Variants in OSER1 observed in about 807,000 individuals in gnomAD.
OSER1 encodes the protein oxidative stress responsive serine rich 1, also known as oxidative stress-responsive serine-rich protein 1.
Under a neutral mutation model 26.3 loss-of-function variants are expected in OSER1, and 15 were observed. The observed-to-expected ratio is 0.57, with a 90% confidence interval of 0.38 to 0.88. The LOEUF is 0.88. Ranked by LOEUF, OSER1 falls within the 40% of genes least tolerant of loss-of-function variation. The pLI, the probability that OSER1 is intolerant of heterozygous loss-of-function variation, is 0.00. For missense variants in OSER1, 313 were observed against 353.9 expected (o/e 0.88, Z 0.93); for synonymous variants, 127 against 128.2 (o/e 0.99, Z 0.07).
In OSER1 at chr20:44,208,340, T is replaced by C. The variant is rs111786136; in HGVS notation, c.-41-1342A>G. On this transcript the variant is annotated intron_variant, in intron 1 of 3. Transcript: ENST00000255174. ...GAGGCAAGGAATCAGGACTTTTCAC[T>C]TTACTTATTTGCGGAAGTTAAGGTA... 7.8e-3 allele frequency among the ~76,000 whole-genome samples: 1,189 copies of C among 152,024 alleles called. 11 individuals are homozygous for C. The highest frequency in any genetic ancestry group is 0.027 in the African/African-American group (1,100 of 41,392).
At position 44,202,783 on chromosome 20, in the gene OSER1, T is replaced by C. The variant is rs564286891; in HGVS notation, c.191+178A>G. 9.2e-5 allele frequency among the ~76,000 whole-genome samples: 14 copies of C among 152,268 alleles called. No homozygotes were observed. The South Asian group carries it at 2.9e-3, about 32-fold the overall frequency. ...ACATAGAATATTTGTAAAAATTGACTATGGACCAGGCCAAAAAAAAGTCTC... is the reference window on the plus strand; with the variant it reads ...ACATAGAATATTTGTAAAAATTGACCATGGACCAGGCCAAAAAAAAGTCTC... On this transcript the variant is annotated intron_variant, in intron 3 of 3. Coordinates refer to ENST00000255174, the MANE Select transcript of OSER1 (RefSeq NM_016470.8).
chr20:44,210,033 C>T (rs979613928), intron 1 of OSER1: 1 of 152,342 alleles, frequency 6.6e-6, no homozygotes, highest in African/African-American at 2.4e-5. Context: ...ACCCACTCAT[C>T]CCTTTATACT....
intron 3 of OSER1, among the ~76,000 whole-genome samples, chr20:44,200,023 G>A (rs1480008095): frequency 1.3e-5 from 2 of 152,192 alleles, no homozygotes; most frequent in African/African-American, 4.8e-5. Flanking sequence ...CTGCTCCAGT[G>A]GGCTAGCACT....
In OSER1 at chr20:44,196,114, A is replaced by C. The variant is rs2072915073; in HGVS notation, c.*938T>G. 6.6e-6 allele frequency among the ~76,000 whole-genome samples: 1 copy of C among 152,072 alleles called. No homozygotes were observed. Among genetic ancestry groups the C allele is most frequent in the African/African-American group, 2.4e-5 (1 of 41,418 alleles). ...AACAAGGATTCATCATCCAGCTGAA[A>C]CCGAAGACAGATTTTTTTTTTACCA... On this transcript the variant is annotated 3_prime_UTR_variant, in exon 4 of 4. Coordinates refer to ENST00000255174, the MANE Select transcript of OSER1 (RefSeq NM_016470.8).
rs567505419 is a variant in OSER1, at chr20:44,198,568, G to A, written c.192-829C>T. Among the ~76,000 whole-genome samples, 1,078 of 152,156 alleles carry A rather than the reference G, an allele frequency of 7.1e-3. 7 individuals carry two copies. Among genetic ancestry groups the A allele is most frequent in the Non-Finnish European group, 0.012 (807 of 68,020 alleles). On this transcript the variant is annotated intron_variant, in intron 3 of 3. Coordinates refer to ENST00000255174, the MANE Select transcript of OSER1 (RefSeq NM_016470.8). ...TGGGAGGCAGAGCTTGCAGTGAGCT[G>A]AGATCACGCCACTGTACTCCAGCCT... is the stretch of plus-strand genomic sequence containing the variant.
chr20:44,198,476 G>A (rs988610238), intron 3 of OSER1, among the ~76,000 whole-genome samples: 7 of 152,002 alleles, frequency 4.6e-5, no homozygotes, highest in South Asian at 2.1e-4. Flanking sequence ...AAAATTAGCC[G>A]GGCGTGGTGG....
chr20:44,210,580 C>CG (rs1270421997), intron 1 of OSER1, 116 bp downstream of exon 1: 1 of 152,314 alleles, frequency 6.6e-6, no homozygotes, highest in Non-Finnish European at 1.5e-5. Context: ...CAGGAGGCGT[C>CG]GGGAGACGAC....
chr20:44,206,007 C>G (rs187366237), intron 2 of OSER1, among the ~76,000 whole-genome samples: 2 of 150,988 alleles, frequency 1.3e-5, no homozygotes, highest in African/African-American at 2.4e-5. Context: ...CAAATCCTGG[C>G]TCTGCAACGT....
chr20:44,209,350 C>G (rs764542349), intron 1 of OSER1, among the ~76,000 whole-genome samples: 8 of 152,140 alleles, frequency 5.3e-5, no homozygotes, highest in Non-Finnish European at 1.0e-4. Flanking sequence ...TAGCCAAGAG[C>G]AAATGAGCGT....
rs1029882226 is a variant in OSER1, at chr20:44,196,949, A to G, written c.*103T>C. ...TTTTTATTGCAAGCACAGTGAGCAG[A>G]AAGAGATGTCTTCTCACACAAAGTG... On this transcript the variant is annotated 3_prime_UTR_variant, in exon 4 of 4. Transcript: ENST00000255174. The G allele has an allele frequency of 1.2e-5, 9 of 772,602 alleles. No homozygotes were observed. Among genetic ancestry groups the G allele is most frequent in the Non-Finnish European group, 1.5e-5 (7 of 461,204 alleles). 47.9% of individuals were successfully genotyped at this position (772,602 alleles called of 1,614,324 possible).
At chr20:44,209,521 TG>T (rs2073075467) in intron 1 of OSER1, among the ~76,000 whole-genome samples, 1 of 152,234 alleles carries the variant, frequency 6.6e-6, no homozygotes. Flanking sequence ...ATTAAATTTG[TG>T]GGAGACAGTC....
At chr20:44,198,480 G>T (rs186608276) in intron 3 of OSER1, among the ~76,000 whole-genome samples, 146 of 152,176 alleles carry the variant, frequency 9.6e-4, no homozygotes, top group African/African-American at 3.4e-3. Flanking sequence ...TTAGCCGGGC[G>T]TGGTGGTGGG....
chr20:44,204,633 C>T (rs562624196), intron 2 of OSER1, among the ~76,000 whole-genome samples: 1 of 152,230 alleles, frequency 6.6e-6, no homozygotes, highest in East Asian at 1.9e-4. Context: ...AGGTTTTCCA[C>T]CCACATTCCG....
At chr20:44,206,359 G>A (rs1012216474) in intron 2 of OSER1, among the ~76,000 whole-genome samples, 1 of 152,216 alleles carries the variant, frequency 6.6e-6, no homozygotes, top group African/African-American at 2.4e-5. Flanking sequence ...CTAACATTCA[G>A]AGAGCAGCTG....
At chr20:44,203,339 C>T (rs575527188) in intron 2 of OSER1, among the ~76,000 whole-genome samples, 1 of 152,258 alleles carries the variant, frequency 6.6e-6, no homozygotes, top group Admixed American at 6.5e-5. Flanking sequence ...CAGGCTGTTT[C>T]CCTGGGGCAG....
At chr20:44,207,072 A>G (rs539087266) in intron 1 of OSER1, 74 bp from the exon 2 acceptor site, 29 of 641,814 alleles carry the variant, frequency 4.5e-5, no homozygotes, top group Admixed American at 2.5e-4. Flanking sequence ...TTACTGTTAG[A>G]AAAAAAAAGC....
In OSER1 at chr20:44,196,818, T is replaced by C. The variant is rs1471066984; in HGVS notation, c.*234A>G. ...TGGTTTCTTCATCCCCCAGGAACAT[T>C]TCTAAATAAGGGGGATTTTTCTTTG... is the stretch of plus-strand genomic sequence containing the variant. On this transcript the variant is annotated 3_prime_UTR_variant, in exon 4 of 4. Transcript: ENST00000255174. The C allele has an allele frequency of 8.9e-6, 4 of 447,256 alleles. No homozygotes were observed. The highest frequency in any genetic ancestry group is 5.9e-5 in the African/African-American group (3 of 51,164). 27.7% of individuals were successfully genotyped at this position (447,256 alleles called of 1,614,324 possible). A position where few individuals can be genotyped will look rare whatever the true frequency, so the allele number is the denominator to read the frequency against.
chr20:44,206,913 A>C lies in OSER1; in HGVS notation c.45T>G (p.Thr15=), dbSNP rs189688626. Residue 15 remains threonine, a synonymous_variant, in exon 2 of 4, where the codon ACT becomes ACG. Transcript: ENST00000255174. ...AKDGEEESLQ[T]AFKKLRVDAS... ...CATCCACTCTTAATTTTTTGAAAGCAGTCTGTAGACTCTCCTCCTCTCCAT... is the reference window on the plus strand; with the variant it reads ...CATCCACTCTTAATTTTTTGAAAGCCGTCTGTAGACTCTCCTCCTCTCCAT... The C allele has an allele frequency of 2.5e-6, 4 of 1,574,046 alleles. No homozygotes were observed. In the East Asian group the frequency reaches 9.0e-5, roughly 35 times the overall value.
chr20:44,197,034 T>C lies in OSER1; in HGVS notation c.*18A>G. 1.3e-6 allele frequency: 2 copies of C among 1,563,342 alleles called. No homozygotes were observed. Among genetic ancestry groups the C allele is most frequent in the East Asian group, 4.5e-5 (2 of 44,278 alleles). On this transcript the variant is annotated 3_prime_UTR_variant, in exon 4 of 4. Coordinates refer to ENST00000255174, the MANE Select transcript of OSER1 (RefSeq NM_016470.8). ...CAAGCCTTCATTGGTTTAAAGCATA[T>C]GAATTAGCTTCTTGCTATCAGGTGT...
Sources: allele counts gnomAD v4.1 joint callset (sites outside exome capture counted in the v4.1 genomes callset), GRCh38; gene constraint gnomAD v4.1.1; transcripts MANE v1.5; gene names NCBI Gene and HGNC (gene_info 2026-07-23, HGNC 2026-07-21).